Variants in ABCA13 observed in about 807,000 individuals in gnomAD.
The protein encoded by ABCA13 is ATP-binding cassette sub-family A member 13.
A neutral mutation model predicts 478.7 loss-of-function variants in ABCA13; 476 were observed. The observed-to-expected ratio is 0.99, with a 90% CI of 0.92 to 1.07. The LOEUF (loss-of-function observed/expected upper bound fraction) is 1.07. ABCA13 is among the 50% of genes least tolerant of loss of function. ABCA13 has a pLI of 0.00. For synonymous variants in ABCA13, 2,252 were observed against 2,158.9 expected (o/e 1.04, Z -1.20); for missense variants, 6,060 against 5,910.6 (o/e 1.03, Z -0.83).
intron 40 of ABCA13, among the ~76,000 whole-genome samples, chr7:48,411,343 C>A (rs567821338): frequency 3.6e-4 from 27 of 75,948 alleles, no homozygotes; most frequent in Admixed American, 1.2e-3. Flanking sequence ...GAGTCTTGCT[C>A]TGTTGCCCAG....
At chr7:48,624,560 T>C (rs1045612493) in intron 59 of ABCA13, among the ~76,000 whole-genome samples, 1 of 152,062 alleles carries the variant, frequency 6.6e-6, no homozygotes, top group East Asian at 1.9e-4. Context: ...TTTTCTTTTT[T>C]TTTTTTTAGA....
chr7:48,559,658 A>G (rs1287949579), intron 55 of ABCA13, among the ~76,000 whole-genome samples: 2 of 152,168 alleles, frequency 1.3e-5, no homozygotes, highest in East Asian at 1.9e-4. Flanking sequence ...CCTGAAGCCA[A>G]CACAACTCAG....
chr7:48,494,068 T>C (rs1001251682), intron 48 of ABCA13, among the ~76,000 whole-genome samples: 3 of 152,186 alleles, frequency 2.0e-5, no homozygotes, highest in Non-Finnish European at 4.4e-5. Flanking sequence ...GAAAGAGCTC[T>C]TGACTTTCTT....
chr7:48,509,951 C>T (rs750444280), intron 50 of ABCA13, among the ~76,000 whole-genome samples: 9 of 152,162 alleles, frequency 5.9e-5, no homozygotes, highest in Non-Finnish European at 1.2e-4. Context: ...CGCCAGTCAC[C>T]GAATCTGCCA....
At chr7:48,481,582 T>C (rs1025726760) in intron 46 of ABCA13, among the ~76,000 whole-genome samples, 1 of 146,934 alleles carries the variant, frequency 6.8e-6, no homozygotes. Context: ...GTTTACAGCA[T>C]GCAAGCTCCA....
rs774954939 is a variant in ABCA13 at position 48,273,587 on chromosome 7, C to A, written c.3921C>A (p.Asp1307Glu). Residue 1307 changes from aspartate to glutamate, a missense_variant, in exon 17 of 62, where the codon GAC becomes GAA. This residue lies in a region of ABCA13 where 4,423 missense variants were observed against 4,309.1 expected (regional missense o/e 1.03). Coordinates refer to ENST00000435803, the MANE Select transcript of ABCA13 (RefSeq NM_152701.5). ...YIVRNLDSIN[D>E]FLSNNLTNYG... is the part of the protein sequence containing the mutation. ...TCAGAAATCTAGATTCAATAAATGA[C>A]TTTCTTTCAAATAATCTCACAAATT... The A allele has an allele frequency of 1.1e-5, 18 of 1,588,718 alleles. 1 individual carries two copies. In the South Asian group the frequency reaches 1.8e-4, roughly 16 times the overall value.
In ABCA13 at chr7:48,507,853, T is replaced by C. The variant is rs1260397019; in HGVS notation, c.13347-19T>C. The C allele has an allele frequency of 6.3e-7, 1 of 1,583,620 alleles. No homozygotes were observed. The highest frequency in any genetic ancestry group is 1.3e-5 in the African/African-American group (1 of 74,506). The stretch of plus-strand genomic sequence containing the variant: ...TGTTCTTCGTCAGGTGCCTGAGAGC[T>C]GCTCTGTTCCACCCGCAGCCTGGAG... On this transcript the variant is annotated intron_variant, in intron 49 of 61. Coordinates refer to ENST00000435803, the MANE Select transcript of ABCA13 (RefSeq NM_152701.5).
chr7:48,392,271 T>C (rs1816190017), intron 38 of ABCA13, 132 bp downstream of exon 38: 2 of 878,096 alleles, frequency 2.3e-6, no homozygotes, highest in African/African-American at 3.4e-5. Flanking sequence ...CAAATGGTTG[T>C]TAACTATGGA....
At chr7:48,225,700 C>T (rs1667556569) in intron 5 of ABCA13, among the ~76,000 whole-genome samples, 1 of 151,994 alleles carries the variant, frequency 6.6e-6, no homozygotes, top group Non-Finnish European at 1.5e-5. Flanking sequence ...TTCGTGATTG[C>T]ATTTGGGGTT....
intron 2 of ABCA13, among the ~76,000 whole-genome samples, chr7:48,197,075 T>C (rs886373064): frequency 6.6e-6 from 1 of 152,208 alleles, no homozygotes; most frequent in African/African-American, 2.4e-5. Flanking sequence ...GAAGCTTTAT[T>C]TATCTGTCCC....
intron 43 of ABCA13, among the ~76,000 whole-genome samples, chr7:48,465,336 G>T (rs1400215358): frequency 6.6e-6 from 1 of 152,076 alleles, no homozygotes; most frequent in Non-Finnish European, 1.5e-5. Flanking sequence ...CTCATTCTGA[G>T]CTTACGTTTG....
At position 48,387,917 on chromosome 7, in the gene ABCA13, A is replaced by T; in HGVS notation, c.11431A>T (p.Ser3811Cys). The T allele has an allele frequency of 1.9e-6, 3 of 1,613,140 alleles. No individual in the cohort carries two copies. The highest frequency in any genetic ancestry group is 2.5e-6 in the Non-Finnish European group (3 of 1,179,546). ...GGTGGAGAAAAGGCAATACTTTCTA[A>T]GTTCTAGTCTGTTCTTCTTCAATGA... The part of the protein sequence containing the change: ...FLVEKRQYFL[S>C]SSLFFFNENF... The change falls in exon 36 of 62, where the codon AGT becomes TGT. Residue 3811 changes from serine to cysteine, a missense_variant. Physicochemically the swap from Ser to Cys is moderately radical, Grantham distance 112 (BLOSUM62 -1). This residue lies in a region of ABCA13 where 1,627 missense variants were observed against 1,571.0 expected (regional missense o/e 1.04). Transcript: ENST00000435803.
chr7:48,398,161 G>C (rs893475471), intron 38 of ABCA13, among the ~76,000 whole-genome samples: 2 of 152,162 alleles, frequency 1.3e-5, no homozygotes, highest in African/African-American at 2.4e-5. Context: ...TAGCAAATTG[G>C]CTATGTCCAA....
rs143928949 is a variant in ABCA13 at position 48,204,991 on chromosome 7, C to G, written c.287+6631C>G. On this transcript the variant is annotated intron_variant, in intron 3 of 61. Coordinates refer to ENST00000435803, the MANE Select transcript of ABCA13 (RefSeq NM_152701.5). ...CCTCCCTGTAACTGCAGTCACTTGTCTACCTGCAATAGAGCATTTTAGGGC... is the reference window on the plus strand; with the variant it reads ...CCTCCCTGTAACTGCAGTCACTTGTGTACCTGCAATAGAGCATTTTAGGGC... 3.8e-3 allele frequency among the ~76,000 whole-genome samples: 583 copies of G among 152,348 alleles called. 5 individuals carry two copies. Among genetic ancestry groups the G allele is most frequent in the African/African-American group, 0.013 (557 of 41,590 alleles).
At chr7:48,374,625 T>A (rs1324605637) in intron 34 of ABCA13, among the ~76,000 whole-genome samples, 3 of 152,234 alleles carry the variant, frequency 2.0e-5, no homozygotes, top group African/African-American at 7.2e-5. Flanking sequence ...ATGGCATCCC[T>A]TGCTTCAGAC....
At chr7:48,255,866 G>A (rs963516986) in intron 15 of ABCA13, among the ~76,000 whole-genome samples, 13 of 152,124 alleles carry the variant, frequency 8.5e-5, no homozygotes, top group African/African-American at 2.7e-4. Context: ...TCTGTTTTCA[G>A]TTCTTTAAGA....
intron 23 of ABCA13, among the ~76,000 whole-genome samples, chr7:48,303,186 T>G (rs183484604): frequency 1.3e-5 from 2 of 152,224 alleles, no homozygotes; most frequent in East Asian, 1.9e-4. Flanking sequence ...AATGAGGTTG[T>G]TTGTTTTTTT....
intron 52 of ABCA13, 53 bp from the exon 53 acceptor site, chr7:48,519,988 T>C (rs1832424096): frequency 6.6e-7 from 1 of 1,517,612 alleles, no homozygotes; most frequent in East Asian, 2.3e-5. Context: ...GTATATATTA[T>C]GAAAAGGGGA....
intron 42 of ABCA13, among the ~76,000 whole-genome samples, chr7:48,428,187 A>G (rs1821696233): frequency 6.6e-6 from 1 of 152,170 alleles, no homozygotes; most frequent in South Asian, 2.1e-4. Context: ...CTTCATCACA[A>G]ACAAACTGAT....
Sources: gnomAD v4.1 joint callset for allele counts (sites outside exome capture counted in the v4.1 genomes callset) on GRCh38, gnomAD v4.1.1 for gene constraint, gnomAD v4.1.1 regional missense constraint, MANE v1.5 for transcripts, NCBI Gene and HGNC (gene_info 2026-07-23, HGNC 2026-07-21) for gene names.